Variants in PDE1B observed in about 807,000 individuals in gnomAD.
The protein encoded by PDE1B is dual specificity calcium/calmodulin-dependent 3',5'-cyclic nucleotide phosphodiesterase 1B.
PDE1B carries 13 observed loss-of-function variants against 66.7 expected under a neutral mutation model. The observed-to-expected ratio is 0.19, with a 90% CI of 0.13 to 0.31. The LOEUF (loss-of-function observed/expected upper bound fraction) is 0.31, where lower values mean the gene tolerates loss of function less well. Among genes scored for constraint, PDE1B ranks in the 10% least tolerant of loss-of-function variants. PDE1B has a pLI of 1.00. For missense variants in PDE1B, 485 were observed against 682.3 expected, an observed-to-expected ratio of 0.71 and a Z score of 3.22; for synonymous variants, 230 against 253.9, an observed-to-expected ratio of 0.91 and a Z score of 0.90.
chr12:54,565,828 G>A (rs1592375504), intron 2 of PDE1B, among the ~76,000 whole-genome samples: 1 of 152,116 alleles, frequency 6.6e-6, no homozygotes, highest in South Asian at 2.1e-4. Flanking sequence ...GTTCAGGAAC[G>A]CCATTGTTCT....
At chr12:54,563,436 G>A (rs921823180) in intron 2 of PDE1B, among the ~76,000 whole-genome samples, 2 of 152,216 alleles carry the variant, frequency 1.3e-5, no homozygotes, top group Non-Finnish European at 2.9e-5. Context: ...CTGATAAGGA[G>A]TTTGTGAAGA....
chr12:54,569,948 C>T lies in PDE1B; in HGVS notation c.478-293C>T, dbSNP rs541413892. On this transcript the variant is annotated intron_variant, in intron 5 of 15. Coordinates refer to ENST00000243052, the MANE Select transcript of PDE1B (RefSeq NM_000924.4). This position sits in a 1 kb window ranked among gnomAD's most constrained non-coding sequence, Gnocchi z 4.4. ...CTCTTGACCTCAAGTGTTCTGCCCA[C>T]CTCGGTCTCCCAAAGTATTGGGATT... 2.7e-3 allele frequency among the ~76,000 whole-genome samples: 404 copies of T among 152,286 alleles called. 2 individuals are homozygous for T. The highest frequency in any genetic ancestry group is 2.7e-3 in the Non-Finnish European group (185 of 68,008).
intron 7 of PDE1B, 118 bp downstream of exon 7, chr12:54,572,859 GC>G: frequency 9.4e-7 from 1 of 1,062,462 alleles, no homozygotes; most frequent in East Asian, 2.4e-5. Context: ...GCACTCCAAA[GC>G]CTTGACAGAG....
In PDE1B at chr12:54,577,728, G is replaced by A. The variant is rs931703831; in HGVS notation, c.*18-132G>A. ...CAGCCCCTATTCACCCCCTTGGCTGGGCACCCTTCTGAAGGGCATTTTTTG... is the reference window on the plus strand; with the variant it reads ...CAGCCCCTATTCACCCCCTTGGCTGAGCACCCTTCTGAAGGGCATTTTTTG... On this transcript the variant is annotated intron_variant, in intron 15 of 15. Coordinates refer to ENST00000243052, the MANE Select transcript of PDE1B (RefSeq NM_000924.4). 2.7e-5 allele frequency: 15 copies of A among 546,476 alleles called. No homozygotes were observed. In the African/African-American group the frequency reaches 2.9e-4, roughly 10 times the overall value. The allele number at this position is 546,476 out of a possible 1,614,324, so 33.9% of individuals were successfully genotyped here.
chr12:54,569,836 A>C lies in PDE1B; in HGVS notation c.477+224A>C, dbSNP rs559628635. The stretch of plus-strand genomic sequence containing the variant: ...TGCCTCAGCCTCCTGAGTAGCTGGG[A>C]TTACAGGTGCCCACCACCATGCCCA... On this transcript the variant is annotated intron_variant, in intron 5 of 15. Coordinates refer to ENST00000243052, the MANE Select transcript of PDE1B (RefSeq NM_000924.4). The surrounding 1 kb of genome is among the most constrained non-coding windows in gnomAD (Gnocchi z 4.4). Among the ~76,000 whole-genome samples, 1 of 151,820 alleles carries C rather than the reference A, an allele frequency of 6.6e-6. No individual in the cohort carries two copies. The highest frequency in any genetic ancestry group is 1.9e-4 in the East Asian group (1 of 5,138).
chr12:54,576,218 C>T (rs1283025849), intron 13 of PDE1B, 118 bp downstream of exon 13: 71 of 708,172 alleles, frequency 1.0e-4, no homozygotes, highest in East Asian at 2.4e-4. Flanking sequence ...AGGCAGACTG[C>T]TTCAAGCTTG....
At chr12:54,556,308 G>A (rs1460956158) in intron 2 of PDE1B, among the ~76,000 whole-genome samples, 1 of 152,178 alleles carries the variant, frequency 6.6e-6, no homozygotes, top group Non-Finnish European at 1.5e-5. Flanking sequence ...TGAGAGAACT[G>A]TGGGACCATT....
At chr12:54,571,238 A>C (rs1957610849) in intron 6 of PDE1B, 2 of 152,022 alleles carry the variant, frequency 1.3e-5, no homozygotes, top group Admixed American at 6.6e-5. Context: ...CCCTTCCTTC[A>C]CCCTTGACTC....
At chr12:54,561,747 C>CA in intron 2 of PDE1B, 1 of 711,212 alleles carries the variant, frequency 1.4e-6, no homozygotes, top group South Asian at 1.8e-5. Context: ...TGGCAGTCCC[C>CA]CATATGTTTT....
chr12:54,557,571 G>C (rs1465336031), intron 2 of PDE1B, among the ~76,000 whole-genome samples: 1 of 152,224 alleles, frequency 6.6e-6, no homozygotes, highest in East Asian at 1.9e-4. Flanking sequence ...GAGATAGTTA[G>C]TAAAATCGGG....
At chr12:54,570,111 A>G (rs546959663) in intron 5 of PDE1B, 130 bp from the exon 6 acceptor site, 5 of 664,570 alleles carry the variant, frequency 7.5e-6, no homozygotes, top group African/African-American at 7.2e-5. Context: ...ATGGGAAGAA[A>G]GAGGCACACT....
At chr12:54,557,384 C>A (rs1232738727) in intron 2 of PDE1B, among the ~76,000 whole-genome samples, 1 of 152,144 alleles carries the variant, frequency 6.6e-6, no homozygotes, top group Non-Finnish European at 1.5e-5. Context: ...AAGAAAAAAT[C>A]TACCCTTCTC....
At chr12:54,552,282 C>T (rs916166782) in intron 2 of PDE1B, among the ~76,000 whole-genome samples, 49 of 152,098 alleles carry the variant, frequency 3.2e-4, no homozygotes, top group Non-Finnish European at 1.3e-4. Flanking sequence ...GATGTTCCCC[C>T]TTTTAAGTGG....
At chr12:54,555,803 A>G (rs769741712) in intron 2 of PDE1B, among the ~76,000 whole-genome samples, 3 of 151,828 alleles carry the variant, frequency 2.0e-5, no homozygotes, top group Non-Finnish European at 2.9e-5. Flanking sequence ...TTTCGCTATG[A>G]GGCTCCCTTT....
chr12:54,570,311 T>C lies in PDE1B; in HGVS notation c.548T>C (p.Ile183Thr), dbSNP rs774369045. The C allele has an allele frequency of 8.7e-6, 14 of 1,613,758 alleles. No individual in the cohort carries two copies. Among genetic ancestry groups the C allele is most frequent in the East Asian group, 2.2e-5 (1 of 44,878 alleles). ...QAADDHALRTIVFELLTRHNL... is the reference protein window; with the variant it reads ...QAADDHALRTTVFELLTRHNL... ...GCAGATGACCATGCCCTGAGGACCA[T>C]TGTTTTTGAGTTGCTGACTCGGCAT... Residue 183 changes from isoleucine (I) to threonine (T), a missense_variant, in exon 6 of 16, where the codon ATT (isoleucine) becomes ACT (threonine). Ile to Thr is a moderately conservative substitution (Grantham distance 89). Coordinates refer to ENST00000243052, the MANE Select transcript of PDE1B (RefSeq NM_000924.4).
At chr12:54,568,047 G>T (rs1957548439) in intron 3 of PDE1B, among the ~76,000 whole-genome samples, 1 of 152,056 alleles carries the variant, frequency 6.6e-6, no homozygotes, top group Admixed American at 6.5e-5. Context: ...GTAGAGATGG[G>T]GTTTCTCCAT....
At chr12:54,567,507 ATAAAT>A (rs796952735) in intron 3 of PDE1B, among the ~76,000 whole-genome samples, 15 of 145,906 alleles carry the variant, frequency 1.0e-4, no homozygotes, top group East Asian at 1.9e-4. Context: ...CTGTCTCAAA[ATAAAT>A]AAATAAATAA....
chr12:54,573,778 C>A lies in PDE1B; in HGVS notation c.1064+69C>A. The A allele has an allele frequency of 5.2e-6, 6 of 1,143,786 alleles. No homozygotes were observed. Among genetic ancestry groups the A allele is most frequent in the Non-Finnish European group, 7.9e-6 (6 of 756,936 alleles). The allele number at this position is 1,143,786 out of a possible 1,614,324, so 70.9% of individuals were successfully genotyped here. On this transcript the variant is annotated intron_variant, in intron 10 of 15. Transcript: ENST00000243052. The surrounding 1 kb of genome is among the most constrained non-coding windows in gnomAD (Gnocchi z 5.2). ...GGTGTGTGAACTGGGGGGGTATACACAAGGGTAGTTGGTGTGCCAGGTCTT... is the reference window on the plus strand; with the variant it reads ...GGTGTGTGAACTGGGGGGGTATACAAAAGGGTAGTTGGTGTGCCAGGTCTT...
At chr12:54,550,834 T>C (rs73109144) in intron 2 of PDE1B, among the ~76,000 whole-genome samples, 14,318 of 151,972 alleles carry the variant, frequency 0.094, 914 homozygotes, top group East Asian at 0.29. Context: ...GATACTCCAG[T>C]CCCAGGGGAG....
Sources: allele counts gnomAD v4.1 joint callset (sites outside exome capture counted in the v4.1 genomes callset), GRCh38; gene constraint gnomAD v4.1.1; non-coding constraint Gnocchi (gnomAD v3.1); transcripts MANE v1.5; gene names NCBI Gene and HGNC (gene_info 2026-07-23, HGNC 2026-07-21).